Variants in LOXL1 observed in about 807,000 individuals in gnomAD.
LOXL1 encodes lysyl oxidase like 1.
In LOXL1, 31 loss-of-function variants were observed where a neutral mutation model predicts 62.2. That is an observed-to-expected ratio of 0.50 (90% CI 0.37 to 0.67). The LOEUF is 0.67. Ranked by LOEUF, LOXL1 falls within the 30% of genes least tolerant of loss-of-function variation. LOXL1 has a pLI of 0.00. For synonymous variants in LOXL1, 403 were observed against 384.4 expected (o/e 1.05, Z -0.56); for missense variants, 775 against 843.4 (o/e 0.92, Z 1.00).
At chr15:73,941,968 C>T in intron 1 of LOXL1, 1 of 288,934 alleles carries the variant, frequency 3.5e-6, no homozygotes, top group Non-Finnish European at 7.7e-6. Context: ...TCCTGGGGAA[C>T]AAGGGACCAC....
Position 73,927,480 on chromosome 15 carries a change from C to T in LOXL1, c.697C>T (p.Arg233Cys). The change falls in exon 1 of 7, where the codon CGC (arginine) becomes TGC (cysteine). Residue 233 changes from arginine to cysteine, a missense_variant. Transcript: ENST00000261921. Reference sequence around the variant, plus strand: ...CATCTACCCCTACCAGCCCCGGGCGCGCTACGAGGAGTACGGCGGCGGCGA... The same window carrying T: ...CATCTACCCCTACCAGCCCCGGGCGTGCTACGAGGAGTACGGCGGCGGCGA... ...GVIYPYQPRA[R>C]YEEYGGGEEL... The T allele has an allele frequency of 6.9e-7, 1 of 1,457,090 alleles. No individual in the cohort carries two copies. Among genetic ancestry groups the T allele is most frequent in the Non-Finnish European group, 9.0e-7 (1 of 1,109,238 alleles). The allele number at this position is 1,457,090 out of a possible 1,614,324, so 90.3% of individuals were successfully genotyped here.
In LOXL1 at chr15:73,949,530, C is replaced by G; in HGVS notation, c.1674C>G (p.His558Gln). The part of the protein sequence containing the change: ...FTNNVVRCNI[H>Q]YTGRYVSATN... ...ACAACGTGGTGAGATGCAACATTCA[C>G]TACACAGGTCGCTACGTTTCTGCAA... Residue 558 changes from histidine to glutamine, a missense_variant, in exon 6 of 7, where the codon CAC becomes CAG. By Grantham distance (24) the His-to-Gln change is conservative (BLOSUM62 0). Transcript: ENST00000261921. 6.2e-7 allele frequency: 1 copy of G among 1,614,136 alleles called. No homozygotes were observed. The highest frequency in any genetic ancestry group is 2.2e-5 in the East Asian group (1 of 44,888).
Position 73,943,027 on chromosome 15 carries a change from C to T in LOXL1, c.1211+65C>T, listed in dbSNP as rs1211735709. 2.3e-6 allele frequency: 3 copies of T among 1,283,018 alleles called. No homozygotes were observed. The East Asian group carries it at 7.0e-5, about 30-fold the overall frequency. 79.5% of individuals were successfully genotyped at this position (1,283,018 alleles called of 1,614,324 possible). Reference sequence around the variant, plus strand: ...CCCCGGGAGTCACCCAGAACCCAGCCTAGCTGTGGCTGCCAGCTAGGCTGT... The same window carrying T: ...CCCCGGGAGTCACCCAGAACCCAGCTTAGCTGTGGCTGCCAGCTAGGCTGT... On this transcript the variant is annotated intron_variant, in intron 2 of 6. Transcript: ENST00000261921.
intron 6 of LOXL1, 102 bp downstream of exon 6, chr15:73,949,676 T>C (rs1440637715): frequency 7.7e-6 from 6 of 777,580 alleles, no homozygotes; most frequent in East Asian, 2.5e-5. Context: ...TTAGGTCACC[T>C]TGATGGCCGA....
chr15:73,944,370 C>T (rs983574356), intron 2 of LOXL1, among the ~76,000 whole-genome samples: 1 of 152,244 alleles, frequency 6.6e-6, no homozygotes, highest in African/African-American at 2.4e-5. Flanking sequence ...GTCCTCTGTC[C>T]TGGAGGGTCT....
At chr15:73,946,394 C>CCACA in intron 2 of LOXL1, 23 bp from the exon 3 acceptor site, 7 of 1,558,078 alleles carry the variant, frequency 4.5e-6, no homozygotes, top group East Asian at 2.3e-5. Context: ...AACCCCCCCT[C>CCACA]ATCTCCCCCG....
intron 1 of LOXL1, among the ~76,000 whole-genome samples, chr15:73,936,459 G>A (rs2068673329): frequency 6.6e-6 from 1 of 152,124 alleles, no homozygotes; most frequent in Non-Finnish European, 1.5e-5. Flanking sequence ...TGCCACCTAG[G>A]GGCTCCTCTG....
chr15:73,947,102 A>G lies in LOXL1; in HGVS notation c.1385A>G (p.Asp462Gly). The change falls in exon 4 of 7, where the codon GAC becomes GGC. Residue 462 changes from aspartate to glycine, a missense_variant. By Grantham distance (94) the Asp-to-Gly change is moderately conservative. Coordinates refer to ENST00000261921, the MANE Select transcript of LOXL1 (RefSeq NM_005576.4). ...AGCATGGACGAGTTCAGCCACTACG[A>G]CCTACTGGATGCAGCCACAGGCAAG... ...YHSMDEFSHY[D>G]LLDAATGKKV... 6.2e-7 allele frequency: 1 copy of G among 1,612,830 alleles called. No individual in the cohort carries two copies. Among genetic ancestry groups the G allele is most frequent in the South Asian group, 1.1e-5 (1 of 90,984 alleles).
At chr15:73,946,978 T>C in intron 3 of LOXL1, 89 bp from the exon 4 acceptor site, 1 of 1,353,760 alleles carries the variant, frequency 7.4e-7, no homozygotes, top group East Asian at 2.5e-5. Context: ...CACAGCAGGG[T>C]CACCTGAGCC....
Position 73,927,120 on chromosome 15 carries a change from G to T in LOXL1, c.337G>T (p.Gly113Cys). Residue 113 changes from glycine to cysteine, a missense_variant, in exon 1 of 7, where the codon GGC becomes TGC. Transcript: ENST00000261921. ...GCGCGTGGGCTCGGACACCGTGCGC[G>T]GCCAGGCGCGGCACCCATTCGGCTT... Reference protein sequence around the residue: ...PGRVGSDTVRGQARHPFGFGQ... With the variant: ...PGRVGSDTVRCQARHPFGFGQ... 2 of 1,364,908 alleles carry T rather than the reference G, an allele frequency of 1.5e-6. No individual in the cohort carries two copies. The highest frequency in any genetic ancestry group is 1.9e-6 in the Non-Finnish European group (2 of 1,053,180). 84.5% of individuals were successfully genotyped at this position (1,364,908 alleles called of 1,614,324 possible). A position where few individuals can be genotyped will look rare whatever the true frequency, so the allele number is the denominator to read the frequency against.
At chr15:73,950,784 C>T (rs1331305526) in intron 6 of LOXL1, among the ~76,000 whole-genome samples, 5 of 152,196 alleles carry the variant, frequency 3.3e-5, no homozygotes, top group African/African-American at 4.8e-5. Context: ...TAGAGACAGC[C>T]CTCTCACACT....
Position 73,926,676 on chromosome 15 carries a change from G to C in LOXL1, c.-108G>C. 1.6e-6 allele frequency: 2 copies of C among 1,247,204 alleles called. No individual in the cohort carries two copies. The highest frequency in any genetic ancestry group is 1.6e-5 in the African/African-American group (1 of 63,350). 77.3% of individuals were successfully genotyped at this position (1,247,204 alleles called of 1,614,324 possible). ...GCCAGCATGGACAAAGCTAGAGCTGGGGCAAGCAAGGAGCCTTCCTGTCCT... is the reference window on the plus strand; with the variant it reads ...GCCAGCATGGACAAAGCTAGAGCTGCGGCAAGCAAGGAGCCTTCCTGTCCT... On this transcript the variant is annotated 5_prime_UTR_variant, in exon 1 of 7. Coordinates refer to ENST00000261921, the MANE Select transcript of LOXL1 (RefSeq NM_005576.4).
At position 73,930,291 on chromosome 15, in the gene LOXL1, G is replaced by A. The variant is rs2068626767; in HGVS notation, c.1102+2406G>A. Among the ~76,000 whole-genome samples, 1 of 152,196 alleles carries A rather than the reference G, an allele frequency of 6.6e-6. No homozygotes were observed. The highest frequency in any genetic ancestry group is 6.5e-5 in the Admixed American group (1 of 15,292). ...CAGGAAGCAATGTCTAAGCATTGCT[G>A]CAAGGGATGGTCATCAGCACCATCC... On this transcript the variant is annotated intron_variant, in intron 1 of 6. Transcript: ENST00000261921. This position sits in a 1 kb window ranked among gnomAD's most constrained non-coding sequence, Gnocchi z 4.7.
At position 73,927,663 on chromosome 15, in the gene LOXL1, G is replaced by T; in HGVS notation, c.880G>T (p.Gly294Cys). Residue 294 changes from glycine (G) to cysteine (C), a missense_variant, in exon 1 of 7, where the codon GGT (glycine) becomes TGT (cysteine). Gly to Cys is a radical substitution (Grantham distance 159). Coordinates refer to ENST00000261921, the MANE Select transcript of LOXL1 (RefSeq NM_005576.4). Reference protein sequence around the residue: ...PGFEQAYPDPGPEAAQAHGGD... With the variant: ...PGFEQAYPDPCPEAAQAHGGD... ...CTTCGAGCAGGCCTACCCTGACCCC[G>T]GTCCCGAGGCGGCGCAGGCCCATGG... is the stretch of plus-strand genomic sequence containing the variant. 6.7e-7 allele frequency: 1 copy of T among 1,487,112 alleles called. No homozygotes were observed. Among genetic ancestry groups the T allele is most frequent in the Non-Finnish European group, 8.9e-7 (1 of 1,125,734 alleles). The allele number at this position is 1,487,112 out of a possible 1,614,324, so 92.1% of individuals were successfully genotyped here. A position where few individuals can be genotyped will look rare whatever the true frequency, so the allele number is the denominator to read the frequency against.
intron 6 of LOXL1, among the ~76,000 whole-genome samples, chr15:73,950,730 T>C (rs2068778904): frequency 6.6e-6 from 1 of 152,218 alleles, no homozygotes. Flanking sequence ...GCTTAGTGTG[T>C]GGCCAGGGTC....
chr15:73,949,152 A>G (rs769627930), intron 5 of LOXL1, among the ~76,000 whole-genome samples: 2 of 152,180 alleles, frequency 1.3e-5, no homozygotes, highest in Non-Finnish European at 2.9e-5. Flanking sequence ...GCTCCTCATT[A>G]CTGCATTCCC....
intron 3 of LOXL1, 21 bp downstream of exon 3, chr15:73,946,575 C>T (rs936124969): frequency 6.9e-6 from 11 of 1,588,474 alleles, no homozygotes; most frequent in African/African-American, 1.3e-5. Flanking sequence ...AGGGGCTGGG[C>T]CCGTCCTCTT....
intron 1 of LOXL1, among the ~76,000 whole-genome samples, chr15:73,935,754 A>G (rs912956903): frequency 2.0e-5 from 3 of 152,198 alleles, no homozygotes; most frequent in African/African-American, 7.2e-5. Context: ...AGCTGGCGCA[A>G]TCAAGCACAC....
chr15:73,951,596 G>T (rs1176359196), intron 6 of LOXL1, among the ~76,000 whole-genome samples: 1 of 152,176 alleles, frequency 6.6e-6, no homozygotes, highest in Non-Finnish European at 1.5e-5. Flanking sequence ...AACAATCTGG[G>T]ACTAGGGCAT....
Sources: gnomAD v4.1 joint callset for allele counts (sites outside exome capture counted in the v4.1 genomes callset) on GRCh38, gnomAD v4.1.1 for gene constraint, Gnocchi (gnomAD v3.1) non-coding constraint, MANE v1.5 for transcripts, NCBI Gene and HGNC (gene_info 2026-07-23, HGNC 2026-07-21) for gene names.